Variants in CCR3 observed in about 807,000 individuals in gnomAD.
The protein encoded by CCR3 is C-C chemokine receptor type 3.
For synonymous variants in CCR3, 203 were observed against 179.2 expected (o/e 1.13, Z -1.06); for missense variants, 419 against 437.5 (o/e 0.96, Z 0.38).
chr3:46,220,059 C>T (rs949663166), intron 2 of CCR3, among the ~76,000 whole-genome samples: 1 of 152,202 alleles, frequency 6.6e-6, no homozygotes, highest in Non-Finnish European at 1.5e-5. Context: ...AGACAACCCA[C>T]AGAGTGGGAG....
intron 1 of CCR3, among the ~76,000 whole-genome samples, chr3:46,244,533 T>C (rs1193597298): frequency 6.6e-6 from 1 of 151,918 alleles, no homozygotes; most frequent in African/African-American, 2.4e-5. Context: ...AAAATTACAG[T>C]CAAAGGGGAC....
At chr3:46,228,593 T>G (rs1410047385) in intron 2 of CCR3, among the ~76,000 whole-genome samples, 14 of 152,246 alleles carry the variant, frequency 9.2e-5, no homozygotes, top group African/African-American at 3.4e-4. Flanking sequence ...GCTGGTGATA[T>G]TCAAGGCTCT....
intron 1 of CCR3, among the ~76,000 whole-genome samples, chr3:46,247,349 G>T (rs1160853992): frequency 6.6e-6 from 1 of 152,138 alleles, no homozygotes; most frequent in African/African-American, 2.4e-5. Context: ...GAGACTGGGG[G>T]CCTAATGAAA....
At chr3:46,261,450 T>C (rs907745377) in intron 1 of CCR3, among the ~76,000 whole-genome samples, 7 of 152,140 alleles carry the variant, frequency 4.6e-5, no homozygotes, top group Non-Finnish European at 8.8e-5. Context: ...GGGGAGAGGA[T>C]GGTTATTCAA....
At chr3:46,218,739 C>A (rs1699802839) in intron 2 of CCR3, among the ~76,000 whole-genome samples, 1 of 152,078 alleles carries the variant, frequency 6.6e-6, no homozygotes, top group South Asian at 2.1e-4. Flanking sequence ...ATATAATCAT[C>A]TCAATAGATT....
chr3:46,225,693 T>C (rs1457943774), intron 2 of CCR3, among the ~76,000 whole-genome samples: 1 of 152,234 alleles, frequency 6.6e-6, no homozygotes, highest in East Asian at 1.9e-4. Flanking sequence ...ATGTGCTTAG[T>C]GGTTATCTGT....
rs1263169594 is a variant in CCR3, at chr3:46,265,999, C to T, written c.841C>T (p.Leu281=). 1 of 1,614,110 alleles carries T rather than the reference C, an allele frequency of 6.2e-7. No homozygotes were observed. Among genetic ancestry groups the T allele is most frequent in the Non-Finnish European group, 8.5e-7 (1 of 1,180,016 alleles). ...NDCERSKHLD[L]VMLVTEVIAY... ...CTGTGAGCGGAGCAAGCATCTGGACCTGGTCATGCTGGTGACAGAGGTGAT... is the reference window on the plus strand; with the variant it reads ...CTGTGAGCGGAGCAAGCATCTGGACTTGGTCATGCTGGTGACAGAGGTGAT... Residue 281 remains leucine (L), a synonymous_variant, in exon 2 of 2, where the codon CTG becomes TTG. Transcript: ENST00000395940.
chr3:46,216,150 T>G (rs1359516549), intron 2 of CCR3, among the ~76,000 whole-genome samples: 1 of 152,228 alleles, frequency 6.6e-6, no homozygotes, highest in African/African-American at 2.4e-5. Flanking sequence ...GAATTTATCT[T>G]ACAAATATTT....
Position 46,265,167 on chromosome 3 carries a change from C to T in CCR3, c.9C>T (p.Thr3=). MT[T]SLDTVETFGT... ...TCACAGGGAGAAGTGAAATGACAAC[C>T]TCACTAGATACAGTTGAGACCTTTG... The change falls in exon 2 of 2, where the codon ACC becomes ACT. Residue 3 remains threonine (T), a synonymous_variant. Transcript: ENST00000395940. 1 of 1,603,962 alleles carries T rather than the reference C, an allele frequency of 6.2e-7. No homozygotes were observed. The highest frequency in any genetic ancestry group is 1.1e-5 in the South Asian group (1 of 90,250).
At chr3:46,258,282 T>C (rs574616683) in intron 1 of CCR3, among the ~76,000 whole-genome samples, 13 of 152,342 alleles carry the variant, frequency 8.5e-5, no homozygotes, top group African/African-American at 2.9e-4. Flanking sequence ...CAAATAAAGA[T>C]AATAGCAAGT....
At chr3:46,211,379 GTATATATA>G (rs34807299) in intron 2 of CCR3, among the ~76,000 whole-genome samples, 1 of 127,748 alleles carries the variant, frequency 7.8e-6, no homozygotes, top group Admixed American at 7.4e-5. Flanking sequence ...GAAAAAATAT[GTATATATA>G]TATATATATA....
At chr3:46,260,000 C>A (rs1700493016) in intron 1 of CCR3, among the ~76,000 whole-genome samples, 1 of 152,134 alleles carries the variant, frequency 6.6e-6, no homozygotes. Flanking sequence ...GGAGGCCTCA[C>A]AATCATGAGG....
Position 46,265,164 on chromosome 3 carries a change from A to T in CCR3, c.6A>T (p.Thr2=). 1 of 1,600,246 alleles carries T rather than the reference A, an allele frequency of 6.2e-7. No homozygotes were observed. Among genetic ancestry groups the T allele is most frequent in the African/African-American group, 1.3e-5 (1 of 74,580 alleles). The change falls in exon 2 of 2, where the codon ACA becomes ACT. Residue 2 remains threonine, a synonymous_variant. Coordinates refer to ENST00000395940, the MANE Select transcript of CCR3 (RefSeq NM_178329.3). M[T]TSLDTVETFG... The stretch of plus-strand genomic sequence containing the variant: ...CTATCACAGGGAGAAGTGAAATGAC[A>T]ACCTCACTAGATACAGTTGAGACCT...
chr3:46,241,334 A>G (rs1700082135), upstream of CCR3, among the ~76,000 whole-genome samples: 1 of 152,230 alleles, frequency 6.6e-6, no homozygotes, highest in South Asian at 2.1e-4. Context: ...TGTATCAAAG[A>G]TCACTTCATG....
At chr3:46,247,675 G>A (rs145908591) in intron 1 of CCR3, among the ~76,000 whole-genome samples, 1,614 of 152,278 alleles carry the variant, frequency 0.011, 32 homozygotes, top group African/African-American at 0.036. Context: ...ATGTCTGACA[G>A]AAGGGAAGAA....
chr3:46,244,183 G>A (rs1700148647), intron 1 of CCR3, among the ~76,000 whole-genome samples: 1 of 152,164 alleles, frequency 6.6e-6, no homozygotes, highest in Admixed American at 6.5e-5. Flanking sequence ...ATTATTTATA[G>A]CAGAGCAAAT....
intron 1 of CCR3, among the ~76,000 whole-genome samples, chr3:46,249,465 G>A (rs925874750): frequency 1.3e-5 from 2 of 152,216 alleles, no homozygotes; most frequent in African/African-American, 2.4e-5. Flanking sequence ...GGTAGCCTCT[G>A]TATTGATTAA....
intron 1 of CCR3, among the ~76,000 whole-genome samples, chr3:46,260,130 C>A (rs773050637): frequency 1.3e-5 from 2 of 152,132 alleles, no homozygotes; most frequent in Non-Finnish European, 2.9e-5. Context: ...GAGAACAGTG[C>A]AGGAAAAACC....
chr3:46,241,807 C>A (rs934562602), upstream of CCR3, among the ~76,000 whole-genome samples: 1 of 152,042 alleles, frequency 6.6e-6, no homozygotes, highest in Non-Finnish European at 1.5e-5. Flanking sequence ...ATTCCTTTGC[C>A]GGGAAATTCT....
Sources: allele counts gnomAD v4.1 joint callset (sites outside exome capture counted in the v4.1 genomes callset), GRCh38; gene constraint gnomAD v4.1.1; transcripts MANE v1.5; gene names NCBI Gene and HGNC (gene_info 2026-07-23, HGNC 2026-07-21).